Variants in GPC5 observed in about 807,000 individuals in gnomAD.
The protein encoded by GPC5 is glypican 5, also known as glypican-5.
Under a neutral mutation model 53.9 loss-of-function variants are expected in GPC5, and 47 were observed. The ratio of observed to expected loss-of-function variants is 0.87; its 90% confidence interval spans 0.69 to 1.11. The LOEUF (loss-of-function observed/expected upper bound fraction) is 1.11, where lower values mean the gene tolerates loss of function less well. GPC5 is among the 50% of genes most tolerant of loss of function. GPC5 has a pLI of 0.00. For missense variants in GPC5, 748 were observed against 713.1 expected (o/e 1.05, Z -0.56); for synonymous variants, 286 against 263.3 (o/e 1.09, Z -0.84).
chr13:91,581,121 TC>T (rs2032344733), intron 2 of GPC5, among the ~76,000 whole-genome samples: 1 of 152,258 alleles, frequency 6.6e-6, no homozygotes, highest in South Asian at 2.1e-4. Context: ...ACCAGGTCCC[TC>T]CCATCACACA....
In GPC5 at chr13:92,472,603, A is replaced by C. The variant is rs375462127; in HGVS notation, c.1561+327614A>C. The stretch of plus-strand genomic sequence containing the variant: ...AATGAATACTTTACAACACCTAAGT[A>C]GTTTAACAAATACTTAATTCTTTAT... On this transcript the variant is annotated intron_variant, in intron 7 of 7. Coordinates refer to ENST00000377067, the MANE Select transcript of GPC5 (RefSeq NM_004466.6). Among the ~76,000 whole-genome samples, 3 of 152,130 alleles carry C rather than the reference A, an allele frequency of 2.0e-5. No individual in the cohort carries two copies. The East Asian group carries it at 5.8e-4, about 29-fold the overall frequency.
At chr13:92,634,624 T>C (rs1885356532) in intron 7 of GPC5, among the ~76,000 whole-genome samples, 1 of 152,132 alleles carries the variant, frequency 6.6e-6, no homozygotes, top group Non-Finnish European at 1.5e-5. Flanking sequence ...TCTTTTCATT[T>C]ATTCTTAGCT....
At chr13:92,842,129 C>A (rs923244736) in intron 7 of GPC5, among the ~76,000 whole-genome samples, 1 of 152,098 alleles carries the variant, frequency 6.6e-6, no homozygotes, top group Non-Finnish European at 1.5e-5. Context: ...ATTACTTTCA[C>A]ATACACAAAT....
intron 7 of GPC5, among the ~76,000 whole-genome samples, chr13:92,840,643 C>T (rs748526627): frequency 6.6e-6 from 1 of 152,040 alleles, no homozygotes; most frequent in Non-Finnish European, 1.5e-5. Context: ...TAAAAAAATG[C>T]CATCAGGATT....
At chr13:92,726,376 T>C (rs1384126448) in intron 7 of GPC5, among the ~76,000 whole-genome samples, 4 of 151,512 alleles carry the variant, frequency 2.6e-5, no homozygotes, top group African/African-American at 7.3e-5. Flanking sequence ...CTGTACTATT[T>C]TTTTGTGTTT....
At chr13:92,381,897 A>AATCATAT (rs2043747958) in intron 7 of GPC5, among the ~76,000 whole-genome samples, 1 of 101,320 alleles carries the variant, frequency 9.9e-6, no homozygotes, top group African/African-American at 3.7e-5. Flanking sequence ...TATTATATAT[A>AATCATAT]ATCATATATA....
chr13:91,834,320 C>A (rs896320274), intron 5 of GPC5, among the ~76,000 whole-genome samples: 1 of 152,108 alleles, frequency 6.6e-6, no homozygotes, highest in African/African-American at 2.4e-5. Context: ...GCCATACTGT[C>A]CAAAGTAATT....
intron 7 of GPC5, among the ~76,000 whole-genome samples, chr13:92,675,260 C>T (rs1364066561): frequency 6.6e-6 from 1 of 152,058 alleles, no homozygotes; most frequent in African/African-American, 2.4e-5. Flanking sequence ...AAAGTTAAAT[C>T]CTATTCTTTA....
chr13:92,656,589 C>T (rs1886145030), intron 7 of GPC5, among the ~76,000 whole-genome samples: 1 of 152,190 alleles, frequency 6.6e-6, no homozygotes, highest in South Asian at 2.1e-4. Flanking sequence ...TACCCACCCA[C>T]TCACAAACAT....
intron 6 of GPC5, among the ~76,000 whole-genome samples, chr13:92,124,609 CAT>C (rs2041679551): frequency 6.6e-6 from 1 of 152,266 alleles, no homozygotes; most frequent in African/African-American, 2.4e-5. Flanking sequence ...ATGTTAATAA[CAT>C]ATGTGTTCTG....
chr13:92,317,135 C>T (rs529636974), intron 7 of GPC5, among the ~76,000 whole-genome samples: 4 of 152,028 alleles, frequency 2.6e-5, no homozygotes, highest in African/African-American at 9.7e-5. Flanking sequence ...ATTAATGTGC[C>T]TTTGTCCAGA....
chr13:92,370,321 G>T (rs973810302), intron 7 of GPC5, among the ~76,000 whole-genome samples: 1 of 152,090 alleles, frequency 6.6e-6, no homozygotes, highest in South Asian at 2.1e-4. Flanking sequence ...CTTATTTTCC[G>T]TAATGTGGTC....
intron 1 of GPC5, among the ~76,000 whole-genome samples, chr13:91,402,275 T>C (rs1192734997): frequency 6.6e-6 from 1 of 152,240 alleles, no homozygotes; most frequent in Non-Finnish European, 1.5e-5. Flanking sequence ...AAAGTAACTT[T>C]TCCTTGGTAG....
chr13:92,752,023 C>A (rs1419396948), intron 7 of GPC5, among the ~76,000 whole-genome samples: 1 of 151,634 alleles, frequency 6.6e-6, no homozygotes, highest in Non-Finnish European at 1.5e-5. Context: ...TTTTAATTTG[C>A]CACTTTGCTT....
chr13:91,920,357 C>A (rs894529579), intron 6 of GPC5, among the ~76,000 whole-genome samples: 16 of 151,930 alleles, frequency 1.1e-4, no homozygotes, highest in African/African-American at 3.9e-4. Flanking sequence ...ACAATCGCAA[C>A]ACACAAAAAG....
chr13:92,754,863 T>A (rs1423015370), intron 7 of GPC5, among the ~76,000 whole-genome samples: 44 of 144,956 alleles, frequency 3.0e-4, no homozygotes, highest in Admixed American at 1.4e-3. Context: ...AGACTTAGAC[T>A]CCCACACATT....
intron 7 of GPC5, among the ~76,000 whole-genome samples, chr13:92,569,615 C>G (rs371137966): frequency 2.6e-4 from 39 of 152,042 alleles, no homozygotes; most frequent in African/African-American, 9.2e-4. Context: ...ACCCGAACAC[C>G]TGGCTAGAAT....
intron 7 of GPC5, among the ~76,000 whole-genome samples, chr13:92,315,586 T>A (rs1053144276): frequency 6.6e-6 from 1 of 152,178 alleles, no homozygotes; most frequent in Non-Finnish European, 1.5e-5. Context: ...ACTACAAGTG[T>A]CTAGTTTAGT....
intron 2 of GPC5, among the ~76,000 whole-genome samples, chr13:91,456,544 A>G (rs1415936288): frequency 5.9e-5 from 9 of 151,974 alleles, no homozygotes; most frequent in Non-Finnish European, 1.0e-4. Context: ...CTTATACTAA[A>G]TATTTTAGGA....
Sources: allele counts gnomAD v4.1 joint callset (sites outside exome capture counted in the v4.1 genomes callset), GRCh38; gene constraint gnomAD v4.1.1; transcripts MANE v1.5; gene names NCBI Gene and HGNC (gene_info 2026-07-23, HGNC 2026-07-21).